NEGR1: variants seen among roughly 807,000 people sequenced by gnomAD.
NEGR1 encodes neuronal growth regulator 1.
Under a neutral mutation model 40.9 loss-of-function variants are expected in NEGR1, and 10 were observed. That is an observed-to-expected ratio of 0.24 (90% CI 0.15 to 0.42). NEGR1 has a LOEUF of 0.42. Ranked by LOEUF, NEGR1 falls within the 10% of genes least tolerant of loss-of-function variation. The probability of loss-of-function intolerance (pLI) is 1.00; values close to 1 mark genes in which losing one functional copy is unlikely to be tolerated. For missense variants in NEGR1, 352 were observed against 438.9 expected (o/e 0.80, Z 1.77); for synonymous variants, 185 against 166.8 (o/e 1.11, Z -0.84).
At chr1:72,015,936 C>T (rs998301010) in intron 1 of NEGR1, among the ~76,000 whole-genome samples, 1 of 151,996 alleles carries the variant, frequency 6.6e-6, no homozygotes, top group Non-Finnish European at 1.5e-5. Context: ...TAAACATGAA[C>T]GCAAATCTAG....
chr1:72,169,570 C>T (rs919339036), intron 1 of NEGR1, among the ~76,000 whole-genome samples: 14 of 152,072 alleles, frequency 9.2e-5, no homozygotes, highest in Admixed American at 2.0e-4. Context: ...AATATTATTT[C>T]GGCTTCTGAA....
At chr1:72,085,598 T>C (rs1020799250) in intron 1 of NEGR1, among the ~76,000 whole-genome samples, 6 of 152,216 alleles carry the variant, frequency 3.9e-5, no homozygotes, top group Admixed American at 1.3e-4. Context: ...TGCTACTGAA[T>C]ACTACAAATA....
rs1646248645 is a variant in NEGR1, at chr1:71,401,897, A to C, written c.*5549T>G. On this transcript the variant is annotated 3_prime_UTR_variant, in exon 7 of 7. Coordinates refer to ENST00000357731, the MANE Select transcript of NEGR1 (RefSeq NM_173808.3). ...ACTGTACTGTGAGTTTCACGTTTCC[A>C]AAGTTTTAGATGACATGTACAATCT... 6.6e-6 allele frequency: 1 copy of C among 152,174 alleles called. No homozygotes were observed. The highest frequency in any genetic ancestry group is 1.5e-5 in the Non-Finnish European group (1 of 68,036). The allele number at this position is 152,174 out of a possible 1,614,324, so 9.4% of individuals were successfully genotyped here. A position where few individuals can be genotyped will look rare whatever the true frequency, so the allele number is the denominator to read the frequency against.
chr1:71,780,291 G>A (rs1449537366), intron 2 of NEGR1, among the ~76,000 whole-genome samples: 1 of 152,072 alleles, frequency 6.6e-6, no homozygotes, highest in African/African-American at 2.4e-5. Flanking sequence ...TTATGACCTA[G>A]GGCAGAGTTA....
At chr1:72,274,435 A>G (rs1031005712) in intron 1 of NEGR1, 2 of 529,202 alleles carry the variant, frequency 3.8e-6, no homozygotes, top group African/African-American at 3.8e-5. Flanking sequence ...GACAGATGGC[A>G]CACAACTGTA....
intron 3 of NEGR1, among the ~76,000 whole-genome samples, chr1:71,759,596 CTTTT>C (rs71074804): frequency 4.7e-4 from 15 of 31,940 alleles, no homozygotes; most frequent in African/African-American, 1.3e-3. Flanking sequence ...TGCGTCCAGG[CTTTT>C]TTTTTTTTTT....
intron 2 of NEGR1, among the ~76,000 whole-genome samples, chr1:71,881,998 A>G (rs1160765514): frequency 2.0e-5 from 3 of 152,252 alleles, no homozygotes; most frequent in African/African-American, 7.2e-5. Context: ...AAATCTGTGA[A>G]GAAAATTAAT....
At chr1:72,017,024 A>G (rs891305270) in intron 1 of NEGR1, among the ~76,000 whole-genome samples, 1 of 152,178 alleles carries the variant, frequency 6.6e-6, no homozygotes, top group Non-Finnish European at 1.5e-5. Context: ...TTTACTGTAT[A>G]ATTTGATAAA....
intron 6 of NEGR1, among the ~76,000 whole-genome samples, chr1:71,513,311 T>A (rs1647090142): frequency 6.6e-6 from 1 of 152,188 alleles, no homozygotes; most frequent in African/African-American, 2.4e-5. Flanking sequence ...AAGTGAGTTA[T>A]GAGGAAAAGC....
chr1:72,258,028 G>A (rs1229891811), intron 1 of NEGR1, among the ~76,000 whole-genome samples: 1 of 152,044 alleles, frequency 6.6e-6, no homozygotes, highest in Non-Finnish European at 1.5e-5. Context: ...TTGCCAAAAG[G>A]ATCACAGATA....
At chr1:72,268,240 T>C (rs1220966690) in intron 1 of NEGR1, among the ~76,000 whole-genome samples, 3 of 151,420 alleles carry the variant, frequency 2.0e-5, no homozygotes, top group Non-Finnish European at 4.4e-5. Flanking sequence ...AGAAAACTGA[T>C]AATGAAAGAA....
At chr1:71,533,463 T>A (rs141030751) in intron 6 of NEGR1, among the ~76,000 whole-genome samples, 11 of 151,780 alleles carry the variant, frequency 7.2e-5, no homozygotes, top group African/African-American at 2.4e-4. Context: ...TCTGCTTTTA[T>A]GTTTTTGTGT....
intron 1 of NEGR1, among the ~76,000 whole-genome samples, chr1:72,235,193 A>C (rs1399027842): frequency 6.6e-6 from 1 of 152,158 alleles, no homozygotes. Flanking sequence ...AAATTTCAGA[A>C]GACAGAAGAT....
intron 1 of NEGR1, among the ~76,000 whole-genome samples, chr1:72,162,622 G>A (rs993443928): frequency 5.9e-5 from 9 of 152,142 alleles, no homozygotes; most frequent in Non-Finnish European, 8.8e-5. Context: ...ACACAACATA[G>A]CCAAGAAAAC....
At chr1:72,139,084 A>T in intron 1 of NEGR1, among the ~76,000 whole-genome samples, 1 of 121,800 alleles carries the variant, frequency 8.2e-6, no homozygotes, top group East Asian at 2.4e-4. Flanking sequence ...ACACATATCT[A>T]AATAGCTCAT....
intron 2 of NEGR1, among the ~76,000 whole-genome samples, chr1:71,860,099 G>A (rs574422512): frequency 2.6e-5 from 4 of 151,738 alleles, no homozygotes; most frequent in Middle Eastern, 3.4e-3. Flanking sequence ...CAGGTGATAC[G>A]TGACCCTGTT....
intron 3 of NEGR1, among the ~76,000 whole-genome samples, chr1:71,740,099 G>T (rs901395886): frequency 2.0e-5 from 3 of 152,078 alleles, no homozygotes; most frequent in African/African-American, 4.8e-5. Context: ...GACTTCCCTG[G>T]AATTGTGTTT....
chr1:71,678,995 G>A (rs1570192001), intron 4 of NEGR1, among the ~76,000 whole-genome samples: 1 of 152,146 alleles, frequency 6.6e-6, no homozygotes, highest in African/African-American at 2.4e-5. Flanking sequence ...GCAGGACAGT[G>A]ACGGTATCAA....
intron 2 of NEGR1, among the ~76,000 whole-genome samples, chr1:71,834,770 T>C (rs529869126): frequency 1.3e-5 from 2 of 152,252 alleles, no homozygotes; most frequent in South Asian, 4.1e-4. Flanking sequence ...CTTAAAGTTA[T>C]ACAACTTGGG....
Sources: gnomAD v4.1 joint callset for allele counts (sites outside exome capture counted in the v4.1 genomes callset) on GRCh38, gnomAD v4.1.1 for gene constraint, MANE v1.5 for transcripts, NCBI Gene and HGNC (gene_info 2026-07-23, HGNC 2026-07-21) for gene names.